The following SLIT3 variants were observed in gnomAD, a reference collection of about 807,000 sequenced individuals.
The protein encoded by SLIT3 is slit guidance ligand 3, also known as slit homolog 3 protein.
SLIT3 carries 68 observed loss-of-function variants against 184.0 expected under a neutral mutation model. That is an observed-to-expected ratio of 0.37 (90% confidence interval 0.30 to 0.45). SLIT3 has a LOEUF of 0.45. SLIT3 is among the 20% of genes least tolerant of loss of function. The probability of loss-of-function intolerance (pLI) is 1.00; values close to 1 mark genes in which losing one functional copy is unlikely to be tolerated. For missense variants in SLIT3, 1,707 were observed against 2,026.0 expected, an observed-to-expected ratio of 0.84 and a Z score of 3.02; for synonymous variants, 831 against 828.6, an observed-to-expected ratio of 1.00 and a Z score of -0.05.
At position 168,794,693 on chromosome 5, in the gene SLIT3, G is replaced by A. The variant is rs547891761; in HGVS notation, c.1007+814C>T. On this transcript the variant is annotated intron_variant, in intron 10 of 35. Transcript: ENST00000519560. The stretch of plus-strand genomic sequence containing the variant: ...AGGAAGAACAGAAAGTCTGTACCAC[G>A]GTAAAGGATGCATGTGATCTAGTAC... 3.3e-5 allele frequency among the ~76,000 whole-genome samples: 5 copies of A among 152,264 alleles called. No individual in the cohort carries two copies. In the South Asian group the frequency reaches 1.0e-3, roughly 32 times the overall value.
In SLIT3 at chr5:168,711,064, A is replaced by G. The variant is rs757264111; in HGVS notation, c.2556-6T>C. The G allele has an allele frequency of 6.4e-7, 1 of 1,563,664 alleles. No individual in the cohort carries two copies. On this transcript the variant is annotated splice_polypyrimidine_tract_variant and splice_region_variant and intron_variant, in intron 24 of 35. Coordinates refer to ENST00000519560, the MANE Select transcript of SLIT3 (RefSeq NM_003062.4). ...GTGGGTTGGTTCCCAGCGCCCTAGG[A>G]GGCAGAACAGGAAGTCAGGGCCCCC...
At chr5:169,240,686 T>A (rs1437867042) in intron 3 of SLIT3, among the ~76,000 whole-genome samples, 1 of 151,398 alleles carries the variant, frequency 6.6e-6, no homozygotes, top group East Asian at 1.9e-4. Context: ...ACTGACAATC[T>A]ATGTTTTTTA....
chr5:168,695,199 G>T (rs961010012), intron 28 of SLIT3, among the ~76,000 whole-genome samples: 4 of 152,224 alleles, frequency 2.6e-5, no homozygotes, highest in African/African-American at 9.6e-5. Flanking sequence ...TGACATAAAG[G>T]CCTGGTTCCA....
At chr5:168,749,981 T>G in intron 18 of SLIT3, among the ~76,000 whole-genome samples, 1 of 152,194 alleles carries the variant, frequency 6.6e-6, no homozygotes, top group East Asian at 1.9e-4. Context: ...CTTCTCATTC[T>G]TTAGTCCTTG....
intron 4 of SLIT3, among the ~76,000 whole-genome samples, chr5:168,963,047 CT>C (rs1210185848): frequency 6.6e-6 from 1 of 152,224 alleles, no homozygotes; most frequent in Non-Finnish European, 1.5e-5. Flanking sequence ...TTCTTACTTA[CT>C]TTTGCTTTTT....
chr5:169,004,650 A>C (rs1165536487), intron 4 of SLIT3, among the ~76,000 whole-genome samples: 1 of 152,128 alleles, frequency 6.6e-6, no homozygotes, highest in African/African-American at 2.4e-5. Flanking sequence ...GTCTGTGTCC[A>C]ACTAAAATTC....
intron 4 of SLIT3, among the ~76,000 whole-genome samples, chr5:168,958,659 C>G (rs374371312): frequency 4.9e-4 from 74 of 152,292 alleles, no homozygotes; most frequent in African/African-American, 1.7e-3. Flanking sequence ...CAATCCATGA[C>G]AGTTCTTTGA....
chr5:169,229,433 A>G lies in SLIT3; in HGVS notation c.341+15272T>C, dbSNP rs145645972. ...CTTTTTAGAGTACTTTAACACATAC[A>G]TACTTTCTGACAACACCCTCATTCC... On this transcript the variant is annotated intron_variant, in intron 3 of 35. Transcript: ENST00000519560. Among the ~76,000 whole-genome samples, 8 of 152,340 alleles carry G rather than the reference A, an allele frequency of 5.3e-5. No homozygotes were observed. The East Asian group carries it at 1.3e-3, about 26-fold the overall frequency.
intron 1 of SLIT3, among the ~76,000 whole-genome samples, chr5:169,261,937 C>T (rs138572214): frequency 0.011 from 1,690 of 152,350 alleles, 14 homozygotes; most frequent in Middle Eastern, 0.024. Flanking sequence ...GAACTGGAGG[C>T]AGCCTCTACC....
chr5:168,968,431 C>A, intron 4 of SLIT3, among the ~76,000 whole-genome samples: 1 of 152,202 alleles, frequency 6.6e-6, no homozygotes, highest in Non-Finnish European at 1.5e-5. Flanking sequence ...TGGCAGACAC[C>A]ACTCTTCACT....
chr5:169,152,835 C>A (rs368616017), intron 4 of SLIT3, among the ~76,000 whole-genome samples: 7 of 152,150 alleles, frequency 4.6e-5, no homozygotes, highest in Non-Finnish European at 4.4e-5. Flanking sequence ...ATGACACCTA[C>A]CCCGGTATGT....
At position 169,227,448 on chromosome 5, in the gene SLIT3, T is replaced by C. The variant is rs1043843031; in HGVS notation, c.341+17257A>G. ...TGGTTTTGTCATTATTATGTTTTTT[T>C]AGAAAGTCTCACTCTGTCACCCAGG... On this transcript the variant is annotated intron_variant, in intron 3 of 35. Coordinates refer to ENST00000519560, the MANE Select transcript of SLIT3 (RefSeq NM_003062.4). 1.1e-4 allele frequency among the ~76,000 whole-genome samples: 16 copies of C among 152,164 alleles called. No individual in the cohort carries two copies. The East Asian group carries it at 1.3e-3, about 13-fold the overall frequency.
At chr5:169,207,042 A>C (rs1379634675) in intron 3 of SLIT3, among the ~76,000 whole-genome samples, 1 of 136,696 alleles carries the variant, frequency 7.3e-6, no homozygotes, top group Non-Finnish European at 1.5e-5. Flanking sequence ...TCTTTTCCTT[A>C]TTCTTTTTTT....
intron 4 of SLIT3, among the ~76,000 whole-genome samples, chr5:169,055,570 A>G (rs960599119): frequency 6.6e-6 from 1 of 152,186 alleles, no homozygotes; most frequent in Non-Finnish European, 1.5e-5. Context: ...GGTCGGGCGC[A>G]GTGGCTCACG....
chr5:168,827,754 C>T (rs1181219578), intron 6 of SLIT3, among the ~76,000 whole-genome samples: 3 of 152,168 alleles, frequency 2.0e-5, no homozygotes, highest in South Asian at 2.1e-4. Flanking sequence ...GCTCCCCAGG[C>T]GGGATGAATA....
At chr5:168,760,818 G>A (rs1197759267) in intron 16 of SLIT3, 44 bp downstream of exon 16, 1 of 1,429,754 alleles carries the variant, frequency 7.0e-7, no homozygotes, top group Non-Finnish European at 9.9e-7. Context: ...ACAGGCTCTG[G>A]CTAGAGAACA....
At chr5:169,088,588 A>T (rs925276471) in intron 4 of SLIT3, among the ~76,000 whole-genome samples, 21 of 152,116 alleles carry the variant, frequency 1.4e-4, no homozygotes, top group Admixed American at 8.5e-4. Flanking sequence ...GTATGGAGAG[A>T]CTGATAATTA....
At chr5:169,029,171 A>G (rs1249313581) in intron 4 of SLIT3, among the ~76,000 whole-genome samples, 5 of 152,240 alleles carry the variant, frequency 3.3e-5, no homozygotes, top group Non-Finnish European at 5.9e-5. Context: ...AAGCTTCACC[A>G]AATCCAAGAG....
intron 4 of SLIT3, among the ~76,000 whole-genome samples, chr5:168,987,872 C>T (rs993305445): frequency 2.0e-5 from 3 of 152,198 alleles, no homozygotes; most frequent in African/African-American, 7.2e-5. Context: ...GGTGGGGGGA[C>T]TGAATATCCT....
Sources: allele counts gnomAD v4.1 joint callset (sites outside exome capture counted in the v4.1 genomes callset), GRCh38; gene constraint gnomAD v4.1.1; transcripts MANE v1.5; gene names NCBI Gene and HGNC (gene_info 2026-07-23, HGNC 2026-07-21).